The following MED6 variants were observed in gnomAD, a reference collection of about 807,000 sequenced individuals.
MED6 encodes mediator of RNA polymerase II transcription subunit 6.
A neutral mutation model predicts 37.5 loss-of-function variants in MED6; 33 were observed. The observed-to-expected ratio is 0.88, with a 90% confidence interval of 0.67 to 1.18. The LOEUF (loss-of-function observed/expected upper bound fraction) is 1.18. Among genes scored for constraint, MED6 ranks in the 50% most tolerant of loss-of-function variants. The pLI is 0.00. For missense variants in MED6, 235 were observed against 290.6 expected (o/e 0.81, Z 1.39); for synonymous variants, 94 against 93.6 (o/e 1.00, Z -0.02).
In MED6 at chr14:70,595,619, G is replaced by C. The variant is rs1885021079; in HGVS notation, c.274+992C>G. ...GGGCAGAGAGGCAGCACCAGGCCCA[G>C]GAGTACAAGGCCCTGCTGAACATCA... On this transcript the variant is annotated intron_variant, in intron 3 of 7. Coordinates refer to ENST00000256379, the MANE Select transcript of MED6 (RefSeq NM_005466.4). 9.6e-6 allele frequency: 8 copies of C among 831,554 alleles called. No individual in the cohort carries two copies. In the South Asian group the frequency reaches 9.9e-5, roughly 10 times the overall value. 51.5% of individuals were successfully genotyped at this position (831,554 alleles called of 1,614,324 possible). A position where few individuals can be genotyped will look rare whatever the true frequency, so the allele number is the denominator to read the frequency against.
At chr14:70,590,453 T>C (rs1479606213) in intron 6 of MED6, among the ~76,000 whole-genome samples, 4 of 152,214 alleles carry the variant, frequency 2.6e-5, no homozygotes, top group African/African-American at 7.2e-5. Context: ...CAATAGCACC[T>C]ATCTCTCACT....
At chr14:70,600,425 G>C in intron 1 of MED6, among the ~76,000 whole-genome samples, 191 bp downstream of exon 1, 1 of 143,742 alleles carries the variant, frequency 7.0e-6, no homozygotes, top group Admixed American at 6.8e-5. Context: ...TCCAAGAGAC[G>C]CTCCAAGAAC....
At chr14:70,588,026 T>C (rs573185994) in intron 6 of MED6, among the ~76,000 whole-genome samples, 3 of 152,340 alleles carry the variant, frequency 2.0e-5, no homozygotes, top group African/African-American at 7.2e-5. Context: ...TAGGAATACC[T>C]GCTGTATCCT....
chr14:70,595,471 C>G, intron 3 of MED6: 1 of 625,988 alleles, frequency 1.6e-6, no homozygotes, highest in African/African-American at 1.8e-5. Flanking sequence ...GACCTGGACT[C>G]GATGAGAAAT....
chr14:70,585,969 ACTT>A (rs1184213527), intron 6 of MED6, among the ~76,000 whole-genome samples, 186 bp from the exon 7 acceptor site: 2 of 152,234 alleles, frequency 1.3e-5, no homozygotes, highest in African/African-American at 2.4e-5. Flanking sequence ...ATCATTTTCT[ACTT>A]CTTATTCCCC....
intron 1 of MED6, among the ~76,000 whole-genome samples, chr14:70,598,733 CTTTTT>C (rs35494576): frequency 1.3e-5 from 2 of 148,278 alleles, no homozygotes; most frequent in Non-Finnish European, 3.0e-5. Flanking sequence ...TTAGAAAGGA[CTTTTT>C]TTTTTATTGG....
chr14:70,585,843 C>A, intron 6 of MED6, 60 bp from the exon 7 acceptor site: 1 of 1,438,960 alleles, frequency 6.9e-7, no homozygotes, highest in Non-Finnish European at 9.5e-7. Flanking sequence ...AACAGGTCAA[C>A]TTGGCAAAAT....
intron 1 of MED6, among the ~76,000 whole-genome samples, chr14:70,599,596 C>A (rs1885144936): frequency 6.6e-6 from 1 of 152,220 alleles, no homozygotes; most frequent in Non-Finnish European, 1.5e-5. Flanking sequence ...CTTCCCACAT[C>A]CTCTCTCACT....
intron 6 of MED6, among the ~76,000 whole-genome samples, chr14:70,588,713 A>G (rs1454994457): frequency 7.9e-6 from 1 of 126,284 alleles, no homozygotes; most frequent in Non-Finnish European, 1.6e-5. Flanking sequence ...TAATAATAAT[A>G]ATAATAATAA....
At position 70,591,376 on chromosome 14, in the gene MED6, CTT is replaced by C; in HGVS notation, c.470_471del (p.Lys157SerfsTer4). The C allele has an allele frequency of 1.9e-6, 3 of 1,599,140 alleles. No homozygotes were observed. Among genetic ancestry groups the C allele is most frequent in the Non-Finnish European group, 2.6e-6 (3 of 1,175,602 alleles). On this transcript the variant is annotated frameshift_variant, in exon 6 of 8. Transcript: ENST00000256379. LOFTEE classifies it high-confidence loss of function. ...TCTTTCCTTTTGGCTTTAGGTCTGA[CTT>C]TATCTATTAAAATACGAAGTCCAAA... The part of the protein sequence containing the change: ...WHFKDHEEQD[K>X]VRPKAKRKEE...
rs1884863835 is a variant in MED6, at chr14:70,591,326, T to C, written c.522A>G (p.Arg174=). 1 of 1,608,568 alleles carries C rather than the reference T, an allele frequency of 6.2e-7. No homozygotes were observed. Among genetic ancestry groups the C allele is most frequent in the Non-Finnish European group, 8.5e-7 (1 of 1,178,706 alleles). The change falls in exon 6 of 8, where the codon AGA becomes AGG. Residue 174 remains arginine, a synonymous_variant. Coordinates refer to ENST00000256379, the MANE Select transcript of MED6 (RefSeq NM_005466.4). ...CTAAAAGTAAAGCATCCACACGTTG[T>C]CTCTGAAAAATAGAGCTTGGTTCTT... ...RKEEPSSIFQ[R]QRVDALLLDL... is the part of the protein sequence containing the mutation.
rs778741632 is a variant in MED6 at position 70,584,126 on chromosome 14, T to C, written c.*687A>G. The stretch of plus-strand genomic sequence containing the variant: ...CTGTTTATTTTAATACTGAGGATTA[T>C]GTAACTGAACAAAAAGAAATATGCT... On this transcript the variant is annotated 3_prime_UTR_variant, in exon 8 of 8. Transcript: ENST00000256379. The C allele has an allele frequency of 1.5e-5, 11 of 738,550 alleles. No homozygotes were observed. The highest frequency in any genetic ancestry group is 9.9e-5 in the South Asian group (7 of 70,394). The allele number at this position is 738,550 out of a possible 1,614,324, so 45.7% of individuals were successfully genotyped here.
chr14:70,589,898 C>T (rs1415664220), intron 6 of MED6, among the ~76,000 whole-genome samples: 5 of 152,120 alleles, frequency 3.3e-5, no homozygotes, highest in Non-Finnish European at 5.9e-5. Flanking sequence ...TTCTAGATCA[C>T]GACTGTTCAA....
At chr14:70,590,926 G>C (rs1442731503) in intron 6 of MED6, among the ~76,000 whole-genome samples, 2 of 152,152 alleles carry the variant, frequency 1.3e-5, no homozygotes, top group Non-Finnish European at 2.9e-5. Context: ...CATCAGGCTG[G>C]AAGGTGGCAT....
At chr14:70,595,987 G>A (rs1387650951) in intron 3 of MED6, among the ~76,000 whole-genome samples, 2 of 152,234 alleles carry the variant, frequency 1.3e-5, no homozygotes, top group African/African-American at 4.8e-5. Context: ...CGCTCTGACT[G>A]TTAGTGCTTG....
rs1884643213 is a variant in MED6 at position 70,584,476 on chromosome 14, A to G, written c.*337T>C. ...GGGCAACCTCCACCTCCCGGGTTCAAGCAAGTCTCCTGTCTCAGCCTCCCG... is the reference window on the plus strand; with the variant it reads ...GGGCAACCTCCACCTCCCGGGTTCAGGCAAGTCTCCTGTCTCAGCCTCCCG... On this transcript the variant is annotated 3_prime_UTR_variant, in exon 8 of 8. Transcript: ENST00000256379. 3.2e-6 allele frequency: 1 copy of G among 311,372 alleles called. No individual in the cohort carries two copies. The highest frequency in any genetic ancestry group is 2.2e-5 in the African/African-American group (1 of 46,078). The allele number at this position is 311,372 out of a possible 1,614,324, so 19.3% of individuals were successfully genotyped here. A position where few individuals can be genotyped will look rare whatever the true frequency, so the allele number is the denominator to read the frequency against.
chr14:70,595,161 C>T (rs937930770), intron 3 of MED6: 1 of 532,428 alleles, frequency 1.9e-6, no homozygotes, highest in Non-Finnish European at 3.7e-6. Context: ...GATTGAGGCT[C>T]TCAAGGAGGA....
rs756162981 is a variant in MED6, at chr14:70,600,622, T to C, written c.16A>G (p.Ile6Val). The change falls in exon 1 of 8, where the codon ATC (isoleucine) becomes GTC (valine). Residue 6 changes from isoleucine (I) to valine (V), a missense_variant. Coordinates refer to ENST00000256379, the MANE Select transcript of MED6 (RefSeq NM_005466.4). ...ATATAGCAATACAGTATACCTCGGA[T>C]ATCCACCGCCGCCATAATTCCGAGA... The part of the protein sequence containing the change: MAAVD[I>V]RDNLLGISWV... 14 of 1,613,048 alleles carry C rather than the reference T, an allele frequency of 8.7e-6. No homozygotes were observed. The highest frequency in any genetic ancestry group is 2.2e-5 in the South Asian group (2 of 90,980).
rs1373223994 is a variant in MED6 at position 70,583,317 on chromosome 14, A to G, written c.*1496T>C. On this transcript the variant is annotated 3_prime_UTR_variant, in exon 8 of 8. Coordinates refer to ENST00000256379, the MANE Select transcript of MED6 (RefSeq NM_005466.4). ...ATACATAAAATTAGACATTTCATAA[A>G]AGCAGAAAAAGATGAGAAATTCTTC... is the stretch of plus-strand genomic sequence containing the variant. 6.6e-6 allele frequency: 1 copy of G among 152,260 alleles called. No homozygotes were observed. Among genetic ancestry groups the G allele is most frequent in the Non-Finnish European group, 1.5e-5 (1 of 68,040 alleles). The allele number at this position is 152,260 out of a possible 1,614,324, so 9.4% of individuals were successfully genotyped here.
Sources: allele counts gnomAD v4.1 joint callset (sites outside exome capture counted in the v4.1 genomes callset), GRCh38; gene constraint gnomAD v4.1.1; transcripts MANE v1.5; gene names NCBI Gene and HGNC (gene_info 2026-07-23, HGNC 2026-07-21).